KANSL3: variants seen among roughly 807,000 people sequenced by gnomAD.
The protein encoded by KANSL3 is NSL complex protein NSL3.
Under a neutral mutation model 89.2 loss-of-function variants are expected in KANSL3, and 16 were observed. The ratio of observed to expected loss-of-function variants is 0.18; its 90% confidence interval spans 0.12 to 0.27. The LOEUF is 0.27. KANSL3 is among the 10% of genes least tolerant of loss of function. The probability of loss-of-function intolerance (pLI) is 1.00; values close to 1 mark genes in which losing one functional copy is unlikely to be tolerated. For missense variants in KANSL3, 879 were observed against 1,110.6 expected (o/e 0.79, Z 2.96); for synonymous variants, 385 against 419.7 (o/e 0.92, Z 1.01).
intron 9 of KANSL3, 105 bp from the exon 10 acceptor site, chr2:96,611,243 T>G: frequency 1.2e-6 from 1 of 828,126 alleles, no homozygotes; most frequent in Non-Finnish European, 2.1e-6. Context: ...TCTCACCTCT[T>G]CCTCTCCTGT....
intron 6 of KANSL3, 63 bp downstream of exon 6, chr2:96,613,425 G>A: frequency 1.4e-6 from 2 of 1,397,956 alleles, no homozygotes; most frequent in Non-Finnish European, 2.0e-6. Context: ...TCCTGCCAAG[G>A]TTCTAAGGCT....
intron 5 of KANSL3, chr2:96,615,525 CCACA>C: frequency 3.1e-6 from 4 of 1,287,078 alleles, no homozygotes; most frequent in Non-Finnish European, 4.1e-6. Flanking sequence ...TCCATGCTAC[CCACA>C]AAAGGTCAAA....
rs958728472 is a variant in KANSL3, at chr2:96,595,211, T to C, written c.*400A>G. ...CTAACTCCCGAAATCCCAGACCAGA[T>C]GGATGTCTCCTCCCAACTAGGCGCA... On this transcript the variant is annotated 3_prime_UTR_variant, in exon 21 of 21. Transcript: ENST00000431828. 1 of 162,990 alleles carries C rather than the reference T, an allele frequency of 6.1e-6. No individual in the cohort carries two copies. The highest frequency in any genetic ancestry group is 1.3e-5 in the Non-Finnish European group (1 of 74,790). 10.1% of individuals were successfully genotyped at this position (162,990 alleles called of 1,614,324 possible). A position where few individuals can be genotyped will look rare whatever the true frequency, so the allele number is the denominator to read the frequency against.
chr2:96,589,855 AAAAAT>A (rs2066261185), downstream of KANSL3, among the ~76,000 whole-genome samples: 1 of 152,140 alleles, frequency 6.6e-6, no homozygotes, highest in Non-Finnish European at 1.5e-5. Flanking sequence ...GGCTAAAATA[AAAAAT>A]AAAAGAGGCC....
At chr2:96,632,082 C>A (rs1464052237) in intron 2 of KANSL3, among the ~76,000 whole-genome samples, 1 of 151,918 alleles carries the variant, frequency 6.6e-6, no homozygotes, top group Non-Finnish European at 1.5e-5. Flanking sequence ...CAGCCAGACA[C>A]AGTGATTCAC....
rs563427463 is a variant in KANSL3 at position 96,598,051 on chromosome 2, C to T, written c.2617-2420G>A. On this transcript the variant is annotated intron_variant, in intron 20 of 20. Transcript: ENST00000431828. Reference sequence around the variant, plus strand: ...TCTCTTCTCAATGGTAACTGGCTGGCCCAGGCCATGGCAAGCTGAGACGGA... The same window carrying T: ...TCTCTTCTCAATGGTAACTGGCTGGTCCAGGCCATGGCAAGCTGAGACGGA... 439 of 975,710 alleles carry T rather than the reference C, an allele frequency of 4.5e-4. 8 individuals carry two copies. The South Asian group carries it at 0.019, about 41-fold the overall frequency. The allele number at this position is 975,710 out of a possible 1,614,324, so 60.4% of individuals were successfully genotyped here. A position where few individuals can be genotyped will look rare whatever the true frequency, so the allele number is the denominator to read the frequency against.
At chr2:96,595,802 A>G (rs576611013) in intron 20 of KANSL3, among the ~76,000 whole-genome samples, 171 bp from the exon 21 acceptor site, 2 of 152,342 alleles carry the variant, frequency 1.3e-5, no homozygotes, top group East Asian at 3.9e-4. Context: ...CAAGTGGTTA[A>G]CAGAACATGG....
chr2:96,589,583 A>G (rs1196352585), downstream of KANSL3, among the ~76,000 whole-genome samples: 1 of 152,246 alleles, frequency 6.6e-6, no homozygotes, highest in Admixed American at 6.5e-5. Flanking sequence ...GGAGACATAG[A>G]CAATTCCACA....
At chr2:96,606,945 GC>G (rs760784569) in intron 14 of KANSL3, 2 of 1,235,766 alleles carry the variant, frequency 1.6e-6, no homozygotes. Flanking sequence ...TAGTGGACGA[GC>G]AGGCAAGAAA....
At chr2:96,603,369 A>C (rs1337743636) in intron 17 of KANSL3, 1 of 152,680 alleles carries the variant, frequency 6.5e-6, no homozygotes, top group Non-Finnish European at 1.5e-5. Context: ...TGCAACCTCC[A>C]CCTCCTGGGT....
chr2:96,612,692 A>C, intron 7 of KANSL3, 126 bp downstream of exon 7: 4 of 1,099,464 alleles, frequency 3.6e-6, no homozygotes, highest in Non-Finnish European at 5.4e-6. Context: ...CTCCACATGA[A>C]AGAAGGGTTA....
chr2:96,595,776 C>A (rs1256463988), intron 20 of KANSL3, 145 bp from the exon 21 acceptor site: 2 of 949,282 alleles, frequency 2.1e-6, no homozygotes, highest in East Asian at 5.5e-5. Context: ...TACACAAGGA[C>A]ACATGTTCTA....
At chr2:96,615,677 T>C (rs17119533) in intron 5 of KANSL3, 3,722 of 371,198 alleles carry the variant, frequency 0.01, 135 homozygotes, top group African/African-American at 0.07. Flanking sequence ...AGAAGATAAG[T>C]TGCTCTTAAT....
At chr2:96,593,008 A>C (rs902402995), downstream of KANSL3, among the ~76,000 whole-genome samples, 1 of 152,046 alleles carries the variant, frequency 6.6e-6, no homozygotes, top group South Asian at 2.1e-4. Flanking sequence ...ATCTCGAAAA[A>C]AAAAAAAGGA....
intron 20 of KANSL3, chr2:96,600,296 A>T: frequency 2.6e-6 from 1 of 384,304 alleles, no homozygotes; most frequent in Non-Finnish European, 3.6e-6. Flanking sequence ...AACAGTGAAC[A>T]TCATCTCTAG....
At chr2:96,581,577 C>T in the KANSL3 span, among the ~76,000 whole-genome samples, 2 of 152,046 alleles carry the variant, frequency 1.3e-5, no homozygotes, top group Admixed American at 1.3e-4. Context: ...TTATCTTTTG[C>T]TCCCTTACCC....
Position 96,608,519 on chromosome 2 carries a change from T to C in KANSL3, c.1730A>G (p.Lys577Arg), listed in dbSNP as rs1187183581. 1.2e-6 allele frequency: 2 copies of C among 1,613,868 alleles called. No homozygotes were observed. Among genetic ancestry groups the C allele is most frequent in the African/African-American group, 1.3e-5 (1 of 74,922 alleles). The change falls in exon 14 of 21, where the codon AAA (lysine) becomes AGA (arginine). Residue 577 changes from lysine to arginine, a missense_variant. Around this residue, in one of 6 missense-constraint regions of KANSL3, gnomAD observed 317 missense variants for 311.2 expected, o/e 1.02. Transcript: ENST00000431828. ...CCAAGTGCCTATACCTTGAGCTTGT[T>C]TGTGGGTCAGCACAGCTTCTGTCCG... Reference protein sequence around the residue: ...VQRTEAVLTHKQAQVPISSEP... With the variant: ...VQRTEAVLTHRQAQVPISSEP...
At chr2:96,637,216 TCC>T in intron 1 of KANSL3, 31 bp from the exon 2 acceptor site, 4 of 839,480 alleles carry the variant, frequency 4.8e-6, no homozygotes, top group Admixed American at 5.0e-5. Flanking sequence ...TTAGGTCAAT[TCC>T]AATATCCTAA....
intron 3 of KANSL3, among the ~76,000 whole-genome samples, chr2:96,620,859 G>A (rs2071131378): frequency 6.6e-6 from 1 of 151,998 alleles, no homozygotes; most frequent in Non-Finnish European, 1.5e-5. Flanking sequence ...AAAATTAGCT[G>A]GGCATGGTGG....
Sources: allele counts gnomAD v4.1 joint callset (sites outside exome capture counted in the v4.1 genomes callset), GRCh38; gene constraint gnomAD v4.1.1; regional missense constraint gnomAD v4.1.1; transcripts MANE v1.5; gene names NCBI Gene and HGNC (gene_info 2026-07-23, HGNC 2026-07-21).